Variants in NCAPG observed in about 807,000 individuals in gnomAD.
NCAPG encodes non-SMC condensin I complex subunit G.
Under a neutral mutation model 113.1 loss-of-function variants are expected in NCAPG, and 69 were observed. The ratio of observed to expected loss-of-function variants is 0.61; its 90% CI spans 0.50 to 0.75. The LOEUF is 0.75. NCAPG is among the 30% of genes least tolerant of loss of function. The pLI is 0.00. For missense variants in NCAPG, 1,058 were observed against 1,177.0 expected (o/e 0.90, Z 1.48); for synonymous variants, 370 against 415.8 (o/e 0.89, Z 1.34).
Position 17,837,269 on chromosome 4 carries a change from T to A in NCAPG, c.2220T>A (p.Pro740=), listed in dbSNP as rs1722139218. 7.4e-6 allele frequency: 12 copies of A among 1,613,984 alleles called. No homozygotes were observed. The highest frequency in any genetic ancestry group is 1.0e-5 in the Non-Finnish European group (12 of 1,179,924). Residue 740 remains proline (P), a synonymous_variant, in exon 15 of 21, where the codon CCT becomes CCA. Transcript: ENST00000251496. ...GTCTTATTTTGTTATGGTACAATCCTGTGACTGAAGAGGATGTTCAACTTC... is the reference window on the plus strand; with the variant it reads ...GTCTTATTTTGTTATGGTACAATCCAGTGACTGAAGAGGATGTTCAACTTC... ...LSRLILLWYN[P]VTEEDVQLRH...
Position 17,843,496 on chromosome 4 carries a change from T to G in NCAPG, c.*71T>G. ...TGCTTTAATAAAGAAGAAGTTACCCTTGTCAAAATCAGAACAAACCTGATG... is the reference window on the plus strand; with the variant it reads ...TGCTTTAATAAAGAAGAAGTTACCCGTGTCAAAATCAGAACAAACCTGATG... On this transcript the variant is annotated 3_prime_UTR_variant, in exon 21 of 21. Transcript: ENST00000251496. 6.5e-7 allele frequency: 1 copy of G among 1,541,268 alleles called. No individual in the cohort carries two copies. Among genetic ancestry groups the G allele is most frequent in the Non-Finnish European group, 8.8e-7 (1 of 1,130,904 alleles).
intron 9 of NCAPG, among the ~76,000 whole-genome samples, chr4:17,824,322 C>T (rs1391558828): frequency 6.6e-5 from 10 of 152,056 alleles, no homozygotes; most frequent in Non-Finnish European, 1.3e-4. Flanking sequence ...CCAAAAAAGA[C>T]AGATCTGTAT....
chr4:17,837,740 T>G lies in NCAPG; in HGVS notation c.2405T>G (p.Leu802Arg). 13 of 1,614,002 alleles carry G rather than the reference T, an allele frequency of 8.1e-6. No individual in the cohort carries two copies. Among genetic ancestry groups the G allele is most frequent in the Non-Finnish European group, 1.1e-5 (13 of 1,179,902 alleles). ...GATATCACAAATGTTGCTGAGTTAC[T>G]TGTAGATTTGACAAGACCAAGTGGA... ...EIDITNVAELLVDLTRPSGLN... is the reference protein window; with the variant it reads ...EIDITNVAELRVDLTRPSGLN... The change falls in exon 16 of 21, where the codon CTT (leucine) becomes CGT (arginine). Residue 802 changes from leucine (L) to arginine (R), a missense_variant. Transcript: ENST00000251496.
chr4:17,817,839 G>C, intron 6 of NCAPG, 100 bp from the exon 7 acceptor site: 1 of 1,194,598 alleles, frequency 8.4e-7, no homozygotes, highest in South Asian at 1.7e-5. Context: ...GGATAGTGTA[G>C]TGGTTTTAAA....
At chr4:17,820,397 C>T (rs1476908369) in intron 7 of NCAPG, among the ~76,000 whole-genome samples, 2 of 151,928 alleles carry the variant, frequency 1.3e-5, no homozygotes, top group Admixed American at 1.3e-4. Context: ...GTCAGGAGAT[C>T]GAGACCATCC....
Position 17,837,660 on chromosome 4 carries a change from T to C in NCAPG, c.2325T>C (p.Leu775=), listed in dbSNP as rs1372171605. 6.2e-7 allele frequency: 1 copy of C among 1,613,788 alleles called. No homozygotes were observed. Among genetic ancestry groups the C allele is most frequent in the Non-Finnish European group, 8.5e-7 (1 of 1,179,924 alleles). The stretch of plus-strand genomic sequence containing the variant: ...AGGAATGCTTTGAAGAAGCTTTTCT[T>C]CCAACCCTGCAAACACTGGCCAATG... ...TNQECFEEAF[L]PTLQTLANAP... Residue 775 remains leucine, a synonymous_variant, in exon 16 of 21, where the codon CTT becomes CTC. Coordinates refer to ENST00000251496, the MANE Select transcript of NCAPG (RefSeq NM_022346.5).
At chr4:17,820,824 A>G (rs1721427423) in intron 7 of NCAPG, among the ~76,000 whole-genome samples, 1 of 152,178 alleles carries the variant, frequency 6.6e-6, no homozygotes, top group South Asian at 2.1e-4. Flanking sequence ...ATGACTAAGA[A>G]CTCTGATGTG....
rs1721529829 is a variant in NCAPG at position 17,823,203 on chromosome 4, T to A, written c.1259+80T>A. ...AAATATAGTCCTTTTACAATATAAC[T>A]AAACATATTTACCCTAGCTCTCTAA... On this transcript the variant is annotated intron_variant, in intron 8 of 20. Coordinates refer to ENST00000251496, the MANE Select transcript of NCAPG (RefSeq NM_022346.5). The A allele has an allele frequency of 3.7e-6, 5 of 1,335,388 alleles. No homozygotes were observed. In the South Asian group the frequency reaches 5.3e-5, roughly 14 times the overall value. The allele number at this position is 1,335,388 out of a possible 1,614,324, so 82.7% of individuals were successfully genotyped here.
At chr4:17,812,594 G>A (rs556635508) in intron 2 of NCAPG, among the ~76,000 whole-genome samples, 170 bp downstream of exon 2, 1 of 152,174 alleles carries the variant, frequency 6.6e-6, no homozygotes, top group Non-Finnish European at 1.5e-5. Context: ...TTAAAAAGTG[G>A]ACTTTAACTC....
At chr4:17,815,064 C>A in intron 4 of NCAPG, 66 bp downstream of exon 4, 1 of 1,574,948 alleles carries the variant, frequency 6.3e-7, no homozygotes, top group Non-Finnish European at 8.6e-7. Flanking sequence ...TCTTAAAGTG[C>A]CTTTGAAAAA....
Position 17,844,033 on chromosome 4 carries a change from G to T in NCAPG, c.*608G>T, listed in dbSNP as rs1722687722. The T allele has an allele frequency of 6.6e-6, 1 of 151,910 alleles. No individual in the cohort carries two copies. Among genetic ancestry groups the T allele is most frequent in the Admixed American group, 6.6e-5 (1 of 15,246 alleles). The allele number at this position is 151,910 out of a possible 1,614,324, so 9.4% of individuals were successfully genotyped here. A position where few individuals can be genotyped will look rare whatever the true frequency, so the allele number is the denominator to read the frequency against. ...CTCTTCCTAAAGTATTTGTATATGGGAGTCCTTGTTTGTGAATGTTTCCTG... is the reference window on the plus strand; with the variant it reads ...CTCTTCCTAAAGTATTTGTATATGGTAGTCCTTGTTTGTGAATGTTTCCTG... On this transcript the variant is annotated 3_prime_UTR_variant, in exon 21 of 21. Coordinates refer to ENST00000251496, the MANE Select transcript of NCAPG (RefSeq NM_022346.5).
rs1324551388 is a variant in NCAPG at position 17,817,329 on chromosome 4, T to C, written c.844T>C (p.Leu282=). Residue 282 remains leucine, a synonymous_variant, in exon 6 of 21, where the codon TTA becomes CTA. Transcript: ENST00000251496. ...GTTACGGTTCTCTGAAGGAAATATC[T>C]TAGAGTTGCTCCATCGGTTGGATGT... The part of the protein sequence containing the change: ...GWLRFSEGNI[L]ELLHRLDVEN... The C allele has an allele frequency of 2.5e-6, 4 of 1,613,990 alleles. No individual in the cohort carries two copies. Among genetic ancestry groups the C allele is most frequent in the Middle Eastern group, 1.6e-4 (1 of 6,084 alleles).
chr4:17,841,615 A>AT (rs1722413486), intron 19 of NCAPG: 1 of 151,922 alleles, frequency 6.6e-6, no homozygotes, highest in Non-Finnish European at 1.5e-5. Context: ...TTTGTGGTAT[A>AT]TCACACCATG....
chr4:17,834,223 C>A, intron 13 of NCAPG, 76 bp from the exon 14 acceptor site: 3 of 919,392 alleles, frequency 3.3e-6, no homozygotes, highest in East Asian at 2.9e-5. Context: ...AAACAAGATA[C>A]ATATTAATTT....
intron 19 of NCAPG, chr4:17,841,422 A>G (rs1047333543): frequency 6.6e-6 from 1 of 151,972 alleles, no homozygotes; most frequent in Non-Finnish European, 1.5e-5. Context: ...TGTAACCAGT[A>G]AATTATTTAA....
intron 5 of NCAPG, among the ~76,000 whole-genome samples, chr4:17,815,568 A>G (rs1052075579): frequency 1.4e-4 from 22 of 152,312 alleles, no homozygotes; most frequent in Admixed American, 6.5e-4. Flanking sequence ...TCTATCACCC[A>G]GACTGGAGTG....
intron 19 of NCAPG, 24 bp downstream of exon 19, chr4:17,840,717 T>G: frequency 7.1e-7 from 1 of 1,406,610 alleles, no homozygotes; most frequent in Non-Finnish European, 9.4e-7. Context: ...TGACCATCTT[T>G]ATGATAAAAG....
rs1453648088 is a variant in NCAPG at position 17,844,368 on chromosome 4, G to GTTTGT, written c.*947_*951dup. 1.3e-5 allele frequency: 2 copies of GTTTGT among 152,290 alleles called. No individual in the cohort carries two copies. The highest frequency in any genetic ancestry group is 2.4e-5 in the African/African-American group (1 of 41,398). 9.4% of individuals were successfully genotyped at this position (152,290 alleles called of 1,614,324 possible). ...TTCAGAAATGTCCTAACATGGATCT[G>GTTTGT]TTTGTTTTAATAATTGTGCTTTTTT... is the stretch of plus-strand genomic sequence containing the variant. On this transcript the variant is annotated 3_prime_UTR_variant, in exon 21 of 21. Coordinates refer to ENST00000251496, the MANE Select transcript of NCAPG (RefSeq NM_022346.5).
At position 17,837,701 on chromosome 4, in the gene NCAPG, C is replaced by T. The variant is rs1437248382; in HGVS notation, c.2366C>T (p.Pro789Leu). ...CTGGCCAATGCCCCTGCATCTTCTC[C>T]TTTAGCTGAAATTGATATCACAAAT... is the stretch of plus-strand genomic sequence containing the variant. ...QTLANAPASSPLAEIDITNVA... is the reference protein window; with the variant it reads ...QTLANAPASSLLAEIDITNVA... Residue 789 changes from proline (P) to leucine (L), a missense_variant, in exon 16 of 21, where the codon CCT (proline) becomes CTT (leucine). By Grantham distance (98) the Pro-to-Leu change is moderately conservative. Coordinates refer to ENST00000251496, the MANE Select transcript of NCAPG (RefSeq NM_022346.5). 6.2e-7 allele frequency: 1 copy of T among 1,614,014 alleles called. No individual in the cohort carries two copies. The highest frequency in any genetic ancestry group is 2.2e-5 in the East Asian group (1 of 44,880).
Sources: gnomAD v4.1 joint callset for allele counts (sites outside exome capture counted in the v4.1 genomes callset) on GRCh38, gnomAD v4.1.1 for gene constraint, MANE v1.5 for transcripts, NCBI Gene and HGNC (gene_info 2026-07-23, HGNC 2026-07-21) for gene names.